Variants in GALNT14 observed in about 807,000 individuals in gnomAD.
GALNT14 encodes polypeptide N-acetylgalactosaminyltransferase 14, also known as UDP-GalNAc:polypeptide N-acetylgalactosaminyltransferase 14.
A neutral mutation model predicts 77.5 loss-of-function variants in GALNT14; 60 were observed. The observed-to-expected ratio is 0.77, with a 90% CI of 0.63 to 0.96. GALNT14 has a LOEUF of 0.96. GALNT14 is among the 40% of genes least tolerant of loss of function. The pLI is 0.00. For synonymous variants in GALNT14, 280 were observed against 281.7 expected (o/e 0.99, Z 0.06); for missense variants, 710 against 731.0 (o/e 0.97, Z 0.33).
At chr2:30,907,378 A>C (rs1049835412), downstream of GALNT14, among the ~76,000 whole-genome samples, 1 of 152,214 alleles carries the variant, frequency 6.6e-6, no homozygotes, top group Admixed American at 6.5e-5. Context: ...TAAAGGGGAT[A>C]TCACCACCGA....
chr2:31,074,817 C>T (rs780737058), intron 1 of GALNT14, among the ~76,000 whole-genome samples: 6 of 152,164 alleles, frequency 3.9e-5, no homozygotes, highest in Non-Finnish European at 8.8e-5. Flanking sequence ...GAGGTAGAGA[C>T]ACTGACTCTC....
At chr2:30,898,457 G>T in the GALNT14 span, among the ~76,000 whole-genome samples, 2 of 152,162 alleles carry the variant, frequency 1.3e-5, no homozygotes, top group African/African-American at 4.8e-5. Flanking sequence ...TCTGTACTGA[G>T]AACCTCATGA....
At chr2:31,137,867 T>A in intron 1 of GALNT14, 91 bp downstream of exon 1, 2 of 1,491,826 alleles carry the variant, frequency 1.3e-6, no homozygotes, top group South Asian at 1.3e-5. Context: ...ACCCTCGCCC[T>A]GGTTTCCCGG....
At chr2:30,913,563 G>C (rs1042093540) in intron 13 of GALNT14, among the ~76,000 whole-genome samples, 2 of 152,144 alleles carry the variant, frequency 1.3e-5, no homozygotes, top group African/African-American at 4.8e-5. Flanking sequence ...TGGGACCTGG[G>C]TGGTTCGGAG....
chr2:30,963,027 T>G (rs951967948), intron 3 of GALNT14, among the ~76,000 whole-genome samples: 4 of 152,150 alleles, frequency 2.6e-5, no homozygotes, highest in African/African-American at 9.7e-5. Flanking sequence ...AGCTCCTGGT[T>G]GTCTACACAT....
At chr2:31,058,547 C>T (rs1376943105) in intron 1 of GALNT14, among the ~76,000 whole-genome samples, 3 of 152,098 alleles carry the variant, frequency 2.0e-5, no homozygotes, top group Admixed American at 6.5e-5. Context: ...CAGAAGCACT[C>T]AGCAGTCAGT....
downstream of GALNT14, among the ~76,000 whole-genome samples, chr2:30,909,594 AC>A (rs1452085914): frequency 2.0e-5 from 3 of 151,124 alleles, no homozygotes; most frequent in African/African-American, 7.3e-5. Flanking sequence ...AAATAGGAAC[AC>A]TTTTACACTG....
intron 6 of GALNT14, among the ~76,000 whole-genome samples, chr2:30,955,157 C>T (rs543162856): frequency 1.2e-4 from 18 of 152,208 alleles, no homozygotes; most frequent in Admixed American, 7.2e-4. Flanking sequence ...TAGCATCTAG[C>T]CTGCCTGCTT....
chr2:30,936,616 G>A (rs1016626939), intron 9 of GALNT14, among the ~76,000 whole-genome samples: 1 of 152,126 alleles, frequency 6.6e-6, no homozygotes, highest in African/African-American at 2.4e-5. Flanking sequence ...GGGGAACCTT[G>A]CCTTTCAGTA....
In GALNT14 at chr2:31,011,668, G is replaced by A. The variant is rs543106884; in HGVS notation, c.130-18661C>T. 3.3e-5 allele frequency among the ~76,000 whole-genome samples: 5 copies of A among 152,244 alleles called. No homozygotes were observed. In the East Asian group the frequency reaches 9.7e-4, roughly 29 times the overall value. Reference sequence around the variant, plus strand: ...AAGATGAGCTCACACTGGCAGACCTGTCTGGCAGCAAATAAATCTATGATA... The same window carrying A: ...AAGATGAGCTCACACTGGCAGACCTATCTGGCAGCAAATAAATCTATGATA... On this transcript the variant is annotated intron_variant, in intron 1 of 14. Coordinates refer to ENST00000349752, the MANE Select transcript of GALNT14 (RefSeq NM_024572.4).
intron 1 of GALNT14, among the ~76,000 whole-genome samples, chr2:31,066,226 G>C (rs2148552449): frequency 6.6e-6 from 1 of 152,284 alleles, no homozygotes; most frequent in African/African-American, 2.4e-5. Context: ...AGCTGAGCTG[G>C]TTGTAGGCCC....
intron 13 of GALNT14, among the ~76,000 whole-genome samples, chr2:30,915,610 T>C (rs1321080773): frequency 6.6e-6 from 1 of 152,220 alleles, no homozygotes; most frequent in Non-Finnish European, 1.5e-5. Context: ...ATTAAAAGAA[T>C]CCTGCAGTCA....
chr2:31,040,679 C>G (rs912280584), intron 1 of GALNT14, among the ~76,000 whole-genome samples: 5 of 152,196 alleles, frequency 3.3e-5, no homozygotes, highest in Non-Finnish European at 5.9e-5. Context: ...CTCTTCAGAA[C>G]TGATAAGAAT....
intron 6 of GALNT14, 24 bp downstream of exon 6, chr2:30,955,594 G>A (rs1479212238): frequency 3.7e-6 from 6 of 1,611,432 alleles, no homozygotes; most frequent in Non-Finnish European, 5.1e-6. Context: ...ACGAGGCCCG[G>A]CCCTGCTCCT....
At chr2:31,038,943 G>C (rs531561733) in intron 1 of GALNT14, among the ~76,000 whole-genome samples, 2 of 151,798 alleles carry the variant, frequency 1.3e-5, no homozygotes, top group Non-Finnish European at 2.9e-5. Flanking sequence ...ATGGGGTTTC[G>C]CCATGTTGGC....
At chr2:31,085,153 C>G (rs13404171) in intron 1 of GALNT14, among the ~76,000 whole-genome samples, 1 of 152,170 alleles carries the variant, frequency 6.6e-6, no homozygotes, top group South Asian at 2.1e-4. Context: ...TGAAAGCTAT[C>G]TGACTCCCCC....
At chr2:30,989,522 G>C (rs961197178) in intron 2 of GALNT14, among the ~76,000 whole-genome samples, 12 of 134,608 alleles carry the variant, frequency 8.9e-5, no homozygotes, top group African/African-American at 3.4e-4. Flanking sequence ...GCAACAACTA[G>C]AATTTGAAAA....
chr2:31,054,763 G>C (rs1341451788), intron 1 of GALNT14, among the ~76,000 whole-genome samples: 1 of 152,136 alleles, frequency 6.6e-6, no homozygotes, highest in East Asian at 1.9e-4. Context: ...CCTTTGACTG[G>C]AATGATATCA....
At position 30,988,412 on chromosome 2, in the gene GALNT14, C is replaced by T. The variant is rs558506871; in HGVS notation, c.299+4426G>A. ...GAGTGACCCCACAGTAGGAGCTTCT[C>T]GGTAGAGGTGATGCCAATTGCTAGG... On this transcript the variant is annotated intron_variant, in intron 2 of 14. Coordinates refer to ENST00000349752, the MANE Select transcript of GALNT14 (RefSeq NM_024572.4). Among the ~76,000 whole-genome samples the T allele has an allele frequency of 3.3e-5, 5 of 152,152 alleles. No homozygotes were observed. In the East Asian group the frequency reaches 9.7e-4, roughly 29 times the overall value.
Sources: allele counts gnomAD v4.1 joint callset (sites outside exome capture counted in the v4.1 genomes callset), GRCh38; gene constraint gnomAD v4.1.1; transcripts MANE v1.5; gene names NCBI Gene and HGNC (gene_info 2026-07-23, HGNC 2026-07-21).